The following GFAP variants were observed in gnomAD, a reference collection of about 807,000 sequenced individuals.
GFAP encodes the protein glial fibrillary acidic protein.
In GFAP, 38 loss-of-function variants were observed where a neutral mutation model predicts 49.3. That is an observed-to-expected ratio of 0.77 (90% CI 0.60 to 1.01). GFAP has a LOEUF of 1.01. GFAP is among the 50% of genes least tolerant of loss of function. GFAP has a pLI of 0.00. For synonymous variants in GFAP, 222 were observed against 236.4 expected (o/e 0.94, Z 0.56); for missense variants, 463 against 579.1 (o/e 0.80, Z 2.06).
At chr17:44,914,405 GA>G in intron 1 of GFAP, 1 of 385,588 alleles carries the variant, frequency 2.6e-6, no homozygotes, top group Non-Finnish European at 4.7e-6. Flanking sequence ...TCCTGCACTT[GA>G]AGGCACACAT....
chr17:44,915,384 TGCCAGGACCCAGACGGCGGCCAGGA>T lies in GFAP; in HGVS notation c.78_102del (p.Gly28AlafsTer38). On this transcript the variant is annotated frameshift_variant, in exon 1 of 9. Coordinates refer to ENST00000588735, the MANE Select transcript of GFAP (RefSeq NM_002055.5). LOFTEE classifies it high-confidence loss of function. The surrounding 1 kb of genome is among the most constrained non-coding windows in gnomAD (Gnocchi z 4.1). Reference sequence around the variant, plus strand: ...GGCATTCGAGCCAGGGAGAGGCGGGTGCCAGGACCCAGACGGCGGCCAGGAGCCAGGCCCCCCACCATCATCTCCC... The same window carrying T: ...GGCATTCGAGCCAGGGAGAGGCGGGTGCCAGGCCCCCCACCATCATCTCCC... 2 of 1,599,152 alleles carry T rather than the reference TGCCAGGACCCAGACGGCGGCCAGGA, an allele frequency of 1.3e-6. No individual in the cohort carries two copies. The highest frequency in any genetic ancestry group is 1.7e-6 in the Non-Finnish European group (2 of 1,173,020).
Position 44,903,346 on chromosome 17 carries a change from C to T in GFAP, c.*4001G>A. Reference sequence around the variant, plus strand: ...TGTGCAGGTTGGGCCTGGGAAAGTCCCAAGCCATCAGCTCAGGTCCAGCCA... The same window carrying T: ...TGTGCAGGTTGGGCCTGGGAAAGTCTCAAGCCATCAGCTCAGGTCCAGCCA... On this transcript the variant is annotated 3_prime_UTR_variant, in exon 9 of 9. Coordinates refer to ENST00000588735, the MANE Select transcript of GFAP (RefSeq NM_002055.5). 8.0e-7 allele frequency: 1 copy of T among 1,247,106 alleles called. No individual in the cohort carries two copies. Among genetic ancestry groups the T allele is most frequent in the East Asian group, 3.1e-5 (1 of 32,558 alleles). 77.3% of individuals were successfully genotyped at this position (1,247,106 alleles called of 1,614,324 possible). A position where few individuals can be genotyped will look rare whatever the true frequency, so the allele number is the denominator to read the frequency against.
At chr17:44,910,555 A>G (rs1386955343) in intron 7 of GFAP, 60 bp downstream of exon 7, 3 of 1,555,426 alleles carry the variant, frequency 1.9e-6, no homozygotes, top group Admixed American at 2.0e-5. Context: ...AGCAACCTAC[A>G]GGCCCTGGAG....
rs2051601769 is a variant in GFAP, at chr17:44,903,705, C to T, written c.*3642G>A. ...CGGCTTCCTCTGCAGATTGTTGCTG[C>T]TTTTCCTGGCTGCATAATCCTTTCC... On this transcript the variant is annotated 3_prime_UTR_variant, in exon 9 of 9. Transcript: ENST00000588735. The T allele has an allele frequency of 6.9e-7, 1 of 1,440,022 alleles. No homozygotes were observed. 89.2% of individuals were successfully genotyped at this position (1,440,022 alleles called of 1,614,324 possible).
rs768335753 is a variant in GFAP at position 44,904,469 on chromosome 17, T to C, written c.*2878A>G. The C allele has an allele frequency of 1.3e-6, 2 of 1,545,804 alleles. No individual in the cohort carries two copies. The highest frequency in any genetic ancestry group is 1.2e-5 in the South Asian group (1 of 83,816). ...CAAGGCCGTGCCCGATGTGGTGTCT[T>C]GTGGCTCAAGGGCTGTGCCAAGGAA... is the stretch of plus-strand genomic sequence containing the variant. On this transcript the variant is annotated 3_prime_UTR_variant, in exon 9 of 9. Transcript: ENST00000588735.
intron 8 of GFAP, 115 bp downstream of exon 8, chr17:44,907,949 C>A: frequency 1.3e-6 from 1 of 795,182 alleles, no homozygotes; most frequent in Non-Finnish European, 2.3e-6. Context: ...CCCTGGGGAG[C>A]TACTGGGAGT....
At position 44,913,647 on chromosome 17, in the gene GFAP, T is replaced by A. The variant is rs576702990; in HGVS notation, c.618+81A>T. On this transcript the variant is annotated intron_variant, in intron 3 of 8. Coordinates refer to ENST00000588735, the MANE Select transcript of GFAP (RefSeq NM_002055.5). ...TCCTCTCTCTGAGTGTCTCTCTCAG[T>A]CTCAGCTTCTCTGTCTCTGTCTCTC... The A allele has an allele frequency of 2.6e-5, 30 of 1,151,708 alleles. 1 individual carries two copies. In the South Asian group the frequency reaches 3.7e-4, roughly 14 times the overall value. The allele number at this position is 1,151,708 out of a possible 1,614,324, so 71.3% of individuals were successfully genotyped here.
At position 44,906,680 on chromosome 17, in the gene GFAP, T is replaced by C. The variant is rs1263802764; in HGVS notation, c.*667A>G. Reference sequence around the variant, plus strand: ...GACGTCCCCACCCATCTTAGACTGATCAGGGTCAGTCTAGGAGAACAACCC... The same window carrying C: ...GACGTCCCCACCCATCTTAGACTGACCAGGGTCAGTCTAGGAGAACAACCC... On this transcript the variant is annotated 3_prime_UTR_variant, in exon 9 of 9. Coordinates refer to ENST00000588735, the MANE Select transcript of GFAP (RefSeq NM_002055.5). 6.3e-6 allele frequency: 1 copy of C among 158,310 alleles called. No homozygotes were observed. The highest frequency in any genetic ancestry group is 1.4e-5 in the Non-Finnish European group (1 of 71,652). The allele number at this position is 158,310 out of a possible 1,614,324, so 9.8% of individuals were successfully genotyped here.
rs71373526 is a variant in GFAP, at chr17:44,910,809, G to A, written c.1128-151C>T. ...CCTAGCTTTTTCCCCAGCAGCCAAC[G>A]TGCTATCTGGAGTTCCAAACGTCTG... On this transcript the variant is annotated intron_variant, in intron 6 of 8. Coordinates refer to ENST00000588735, the MANE Select transcript of GFAP (RefSeq NM_002055.5). The A allele has an allele frequency of 0.13, 144,635 of 1,133,898 alleles. 9,829 individuals carry two copies. Among genetic ancestry groups the A allele is most frequent in the African/African-American group, 0.21 (13,351 of 64,698 alleles). The allele number at this position is 1,133,898 out of a possible 1,614,324, so 70.2% of individuals were successfully genotyped here. A position where few individuals can be genotyped will look rare whatever the true frequency, so the allele number is the denominator to read the frequency against.
At chr17:44,908,255 G>A (rs1398449889) in intron 7 of GFAP, 106 bp from the exon 8 acceptor site, 2 of 794,486 alleles carry the variant, frequency 2.5e-6, no homozygotes, top group Non-Finnish European at 2.2e-6. Flanking sequence ...ATGAGTATGA[G>A]AACCTATGCA....
Position 44,903,605 on chromosome 17 carries a change from C to T in GFAP, c.*3742G>A, listed in dbSNP as rs149641635. Reference sequence around the variant, plus strand: ...CAGGTTCTAGAATGGCTTTCCCCCCCCACCCTGAGATCAGGTCTGGAATGT... The same window carrying T: ...CAGGTTCTAGAATGGCTTTCCCCCCTCACCCTGAGATCAGGTCTGGAATGT... On this transcript the variant is annotated 3_prime_UTR_variant, in exon 9 of 9. Coordinates refer to ENST00000588735, the MANE Select transcript of GFAP (RefSeq NM_002055.5). 4.3e-6 allele frequency: 6 copies of T among 1,405,000 alleles called. No homozygotes were observed. The highest frequency in any genetic ancestry group is 3.7e-6 in the Non-Finnish European group (4 of 1,086,548). 87.0% of individuals were successfully genotyped at this position (1,405,000 alleles called of 1,614,324 possible).
intron 1 of GFAP, 171 bp from the exon 2 acceptor site, chr17:44,914,259 GAGC>G: frequency 3.3e-6 from 2 of 608,480 alleles, no homozygotes; most frequent in South Asian, 3.9e-5. Context: ...TCTGGAGGAT[GAGC>G]AGATGTGGGC....
chr17:44,912,299 T>C (rs1161677711), intron 4 of GFAP: 1 of 157,258 alleles, frequency 6.4e-6, no homozygotes, highest in Non-Finnish European at 1.4e-5. Context: ...GATTTTGTAT[T>C]TTTAGTAGAG....
chr17:44,910,828 AC>A, intron 6 of GFAP, 170 bp from the exon 7 acceptor site: 1 of 923,630 alleles, frequency 1.1e-6, no homozygotes, highest in South Asian at 1.7e-5. Flanking sequence ...GGAGTTCCAA[AC>A]GTCTGCAAGG....
Position 44,913,443 on chromosome 17 carries a change from A to G in GFAP, c.619-13T>C. ...GTTCCCGAACCTCCTGACCAGGGTG[A>G]GAGAAGCGGTACCAGGGCTCAGGGT... On this transcript the variant is annotated splice_polypyrimidine_tract_variant and intron_variant, in intron 3 of 8. Transcript: ENST00000588735. 1.2e-6 allele frequency: 2 copies of G among 1,613,398 alleles called. No homozygotes were observed. The highest frequency in any genetic ancestry group is 1.3e-5 in the African/African-American group (1 of 75,020).
At position 44,914,091 on chromosome 17, in the gene GFAP, G is replaced by T; in HGVS notation, c.462-3C>A. 6.4e-7 allele frequency: 1 copy of T among 1,550,840 alleles called. No homozygotes were observed. Among genetic ancestry groups the T allele is most frequent in the African/African-American group, 1.4e-5 (1 of 73,192 alleles). On this transcript the variant is annotated splice_region_variant and splice_polypyrimidine_tract_variant and intron_variant, in intron 1 of 8. Transcript: ENST00000588735. ...TCAGGTTGGTTTCATCCTGGAGCCT[G>T]GAGTGGGGGGACACATTCCTGGGTC...
chr17:44,907,879 G>T, intron 8 of GFAP, 185 bp downstream of exon 8: 1 of 707,066 alleles, frequency 1.4e-6, no homozygotes. Flanking sequence ...CCTTAGAACA[G>T]CCTATGGAGG....
intron 2 of GFAP, 31 bp downstream of exon 2, chr17:44,913,997 C>T (rs2051843491): frequency 1.3e-6 from 2 of 1,483,018 alleles, no homozygotes; most frequent in Non-Finnish European, 1.8e-6. Context: ...CCTTTCCTCC[C>T]TCCCCTGCCC....
In GFAP at chr17:44,907,099, G is replaced by T. The variant is rs2051663332; in HGVS notation, c.*248C>A. 1.7e-6 allele frequency: 1 copy of T among 586,816 alleles called. No homozygotes were observed. Among genetic ancestry groups the T allele is most frequent in the Non-Finnish European group, 3.1e-6 (1 of 326,928 alleles). 36.4% of individuals were successfully genotyped at this position (586,816 alleles called of 1,614,324 possible). A position where few individuals can be genotyped will look rare whatever the true frequency, so the allele number is the denominator to read the frequency against. ...GCAAGCTGCTGGCCATGCCCCTCCA[G>T]ACTGCCCCTTGGGGGTGAGTTTCTT... is the stretch of plus-strand genomic sequence containing the variant. On this transcript the variant is annotated 3_prime_UTR_variant, in exon 9 of 9. Transcript: ENST00000588735.
Sources: gnomAD v4.1 joint callset for allele counts on GRCh38, gnomAD v4.1.1 for gene constraint, Gnocchi (gnomAD v3.1) non-coding constraint, MANE v1.5 for transcripts, NCBI Gene and HGNC (gene_info 2026-07-23, HGNC 2026-07-21) for gene names.